The following DNAH9 variants were observed in gnomAD, a reference collection of about 807,000 sequenced individuals.
The protein encoded by DNAH9 is dynein axonemal heavy chain 9, also known as DNAH9 variant protein.
Under a neutral mutation model 471.6 loss-of-function variants are expected in DNAH9, and 345 were observed. That is an observed-to-expected ratio of 0.73 (90% CI 0.67 to 0.80). DNAH9 has a LOEUF of 0.80. Among genes scored for constraint, DNAH9 ranks in the 30% least tolerant of loss-of-function variants. The probability of loss-of-function intolerance (pLI) is 0.00; values close to 1 mark genes in which losing one functional copy is unlikely to be tolerated. For missense variants in DNAH9, 5,407 were observed against 5,609.2 expected, an observed-to-expected ratio of 0.96 and a Z score of 1.15; for synonymous variants, 2,093 against 2,123.6, an observed-to-expected ratio of 0.99 and a Z score of 0.40.
chr17:11,840,125 G>A (rs1203743540), intron 49 of DNAH9, among the ~76,000 whole-genome samples: 1 of 152,160 alleles, frequency 6.6e-6, no homozygotes, highest in African/African-American at 2.4e-5. Context: ...TTTATTCATT[G>A]CAGCCTCATT....
chr17:11,664,891 A>C lies in DNAH9; in HGVS notation c.2654A>C (p.Asn885Thr), dbSNP rs2073838946. 1.2e-6 allele frequency: 2 copies of C among 1,612,608 alleles called. No individual in the cohort carries two copies. The highest frequency in any genetic ancestry group is 8.5e-7 in the Non-Finnish European group (1 of 1,178,764). The change falls in exon 15 of 69, where the codon AAC becomes ACC. Residue 885 changes from asparagine to threonine, a missense_variant. Coordinates refer to ENST00000262442, the MANE Select transcript of DNAH9 (RefSeq NM_001372.4). The stretch of plus-strand genomic sequence containing the variant: ...TCCAATATCTGGAAGACTTATGTTA[A>C]CTCTATTGACAATTTGTTGCTGAAT... ...PTSNIWKTYV[N>T]SIDNLLLNGF...
chr17:11,953,615 T>C (rs1017519634), intron 67 of DNAH9, among the ~76,000 whole-genome samples: 1 of 151,872 alleles, frequency 6.6e-6, no homozygotes, highest in Non-Finnish European at 1.5e-5. Context: ...ATCAAGACCA[T>C]CCTGGCTAAC....
chr17:11,696,040 A>C (rs919020463), intron 22 of DNAH9, among the ~76,000 whole-genome samples: 2 of 152,200 alleles, frequency 1.3e-5, no homozygotes, highest in African/African-American at 2.4e-5. Context: ...ATACTCAGAG[A>C]TGTATCCTTG....
chr17:11,733,969 A>C (rs987416184), intron 28 of DNAH9, among the ~76,000 whole-genome samples: 49 of 152,312 alleles, frequency 3.2e-4, no homozygotes, highest in Non-Finnish European at 4.4e-5. Flanking sequence ...GGCTGGAAAA[A>C]GACAGTAAAA....
chr17:11,625,199 C>T (rs1010797), intron 6 of DNAH9, among the ~76,000 whole-genome samples: 3 of 151,926 alleles, frequency 2.0e-5, no homozygotes, highest in African/African-American at 7.3e-5. Flanking sequence ...AGCACCTTGG[C>T]GAGAACTCTC....
At chr17:11,893,707 TCAGGGGGTGGAGGGGAAA>T (rs966087506) in intron 58 of DNAH9, among the ~76,000 whole-genome samples, 15 of 151,728 alleles carry the variant, frequency 9.9e-5, no homozygotes, top group African/African-American at 3.6e-4. Context: ...CTGGGGCCTG[TCAGGGGGTGGAGGGGAAA>T]GGGGAGGGAG....
At position 11,647,213 on chromosome 17, in the gene DNAH9, A is replaced by T. The variant is rs753555466; in HGVS notation, c.2097+15A>T. Reference sequence around the variant, plus strand: ...TTAACCCACAGGTCAGTTGGCTGACAGTAGCTCTCTTTTGGGTTCCTGAAG... The same window carrying T: ...TTAACCCACAGGTCAGTTGGCTGACTGTAGCTCTCTTTTGGGTTCCTGAAG... On this transcript the variant is annotated intron_variant, in intron 12 of 68. Coordinates refer to ENST00000262442, the MANE Select transcript of DNAH9 (RefSeq NM_001372.4). 6.2e-7 allele frequency: 1 copy of T among 1,612,480 alleles called. No individual in the cohort carries two copies. Among genetic ancestry groups the T allele is most frequent in the Non-Finnish European group, 8.5e-7 (1 of 1,178,896 alleles).
intron 30 of DNAH9, among the ~76,000 whole-genome samples, chr17:11,744,423 G>A (rs1355843377): frequency 6.6e-6 from 1 of 152,128 alleles, no homozygotes; most frequent in Non-Finnish European, 1.5e-5. Context: ...CTCCAAGGTG[G>A]CACATGTAAG....
chr17:11,712,565 A>C (rs1430769372), intron 26 of DNAH9, among the ~76,000 whole-genome samples: 1 of 152,188 alleles, frequency 6.6e-6, no homozygotes, highest in Non-Finnish European at 1.5e-5. Context: ...CCATTTCTCC[A>C]CATCCTTGAC....
At chr17:11,944,996 G>T (rs973405384) in intron 67 of DNAH9, among the ~76,000 whole-genome samples, 2 of 152,228 alleles carry the variant, frequency 1.3e-5, no homozygotes, top group Non-Finnish European at 2.9e-5. Flanking sequence ...AATGAGAACA[G>T]CAGGGAAAAG....
chr17:11,606,448 C>CTTTTTTTTTTTTTTTT (rs1156988834), intron 1 of DNAH9, among the ~76,000 whole-genome samples: 3 of 97,028 alleles, frequency 3.1e-5, no homozygotes, highest in African/African-American at 1.3e-4. Flanking sequence ...CTTTTCTTTT[C>CTTTTTTTTTTTTTTTT]TTTTCTTTTT....
At chr17:11,698,177 T>TAATA (rs1365873498) in intron 22 of DNAH9, among the ~76,000 whole-genome samples, 1 of 115,230 alleles carries the variant, frequency 8.7e-6, no homozygotes, top group Non-Finnish European at 1.6e-5. Context: ...TATATTAATA[T>TAATA]ATTATTATAT....
intron 52 of DNAH9, chr17:11,873,320 C>G (rs980481196): frequency 2.2e-4 from 34 of 152,220 alleles, no homozygotes; most frequent in African/African-American, 8.2e-4. Context: ...CTGGTGAGAC[C>G]TACGGATTCT....
chr17:11,772,166 G>A (rs1048033840), intron 38 of DNAH9, among the ~76,000 whole-genome samples: 1 of 151,552 alleles, frequency 6.6e-6, no homozygotes, highest in Middle Eastern at 3.2e-3. Context: ...CCAGAGGAAT[G>A]TTTTTGTATT....
chr17:11,634,881 C>G (rs1029159827), intron 8 of DNAH9, among the ~76,000 whole-genome samples: 3 of 152,096 alleles, frequency 2.0e-5, no homozygotes, highest in Non-Finnish European at 2.9e-5. Context: ...CAATCAGCTC[C>G]TAGAGCTTGC....
At chr17:11,607,132 AAGG>A (rs1336126679) in intron 1 of DNAH9, among the ~76,000 whole-genome samples, 2 of 152,318 alleles carry the variant, frequency 1.3e-5, no homozygotes, top group East Asian at 3.9e-4. Context: ...CTGTAGACAG[AAGG>A]TCATGTTTAT....
rs149029050 is a variant in DNAH9 at position 11,883,691 on chromosome 17, A to G, written c.10912A>G (p.Thr3638Ala). Reference sequence around the variant, plus strand: ...CGCCTCTGGGAACTTCCTGGGAGAAACAGTGCTGGTGGAAAACCTAGAGAT... The same window carrying G: ...CGCCTCTGGGAACTTCCTGGGAGAAGCAGTGCTGGTGGAAAACCTAGAGAT... ...SSASGNFLGE[T>A]VLVENLEITK... Residue 3638 changes from threonine (T) to alanine (A), a missense_variant, in exon 56 of 69, where the codon ACA (threonine) becomes GCA (alanine). Around this residue, in one of 3 missense-constraint regions of DNAH9, gnomAD observed 4,636 missense variants for 4,900.3 expected, o/e 0.95. Coordinates refer to ENST00000262442, the MANE Select transcript of DNAH9 (RefSeq NM_001372.4). 3,534 of 1,614,166 alleles carry G rather than the reference A, an allele frequency of 2.2e-3. 13 individuals are homozygous for G. The highest frequency in any genetic ancestry group is 2.6e-3 in the Non-Finnish European group (3,106 of 1,180,016).
At chr17:11,921,008 G>A (rs1974119492) in intron 61 of DNAH9, among the ~76,000 whole-genome samples, 1 of 152,154 alleles carries the variant, frequency 6.6e-6, no homozygotes, top group Admixed American at 6.5e-5. Flanking sequence ...AGTCATGGTG[G>A]CGGGCACCTG....
At chr17:11,670,266 A>G (rs736626) in intron 17 of DNAH9, among the ~76,000 whole-genome samples, 22,308 of 152,214 alleles carry the variant, frequency 0.15, 1,745 homozygotes, top group Middle Eastern at 0.19. Context: ...CAGGCTGGAT[A>G]TGAAATTCTG....
Sources: gnomAD v4.1 joint callset for allele counts (sites outside exome capture counted in the v4.1 genomes callset) on GRCh38, gnomAD v4.1.1 for gene constraint, gnomAD v4.1.1 regional missense constraint, MANE v1.5 for transcripts, NCBI Gene and HGNC (gene_info 2026-07-23, HGNC 2026-07-21) for gene names.